The following MED27 variants were observed in gnomAD, a reference collection of about 807,000 sequenced individuals.
MED27 encodes mediator complex subunit 27, also known as mediator of RNA polymerase II transcription subunit 27.
A neutral mutation model predicts 38.2 loss-of-function variants in MED27; 30 were observed. The ratio of observed to expected loss-of-function variants is 0.79; its 90% CI spans 0.59 to 1.07. The LOEUF (loss-of-function observed/expected upper bound fraction) is 1.07. MED27 is among the 50% of genes least tolerant of loss of function. The pLI, the probability that MED27 is intolerant of heterozygous loss-of-function variation, is 0.00. For missense variants in MED27, 289 were observed against 397.5 expected (o/e 0.73, Z 2.32); for synonymous variants, 122 against 153.5 (o/e 0.79, Z 1.52).
At position 131,900,865 on chromosome 9, in the gene MED27, A is replaced by G. The variant is rs534646206; in HGVS notation, c.574-6873T>C. On this transcript the variant is annotated intron_variant, in intron 4 of 7. Transcript: ENST00000292035. ...AAAAGTCTGATATGTAGGCGCCCTT[A>G]AGGGATCTGTTGTAATTTAAATGAT... Among the ~76,000 whole-genome samples the G allele has an allele frequency of 2.6e-5, 4 of 151,798 alleles. No homozygotes were observed. The East Asian group carries it at 7.8e-4, about 30-fold the overall frequency.
chr9:132,044,329 C>T (rs1281873663), intron 2 of MED27, among the ~76,000 whole-genome samples: 1 of 152,208 alleles, frequency 6.6e-6, no homozygotes, highest in Non-Finnish European at 1.5e-5. Context: ...GTGTCAAGCA[C>T]CTTGCACAGT....
chr9:131,893,625 C>G (rs1342890685), intron 5 of MED27, among the ~76,000 whole-genome samples: 1 of 152,128 alleles, frequency 6.6e-6, no homozygotes, highest in African/African-American at 2.4e-5. Context: ...TTTAATGAGG[C>G]AACTGGGGTC....
At chr9:131,866,691 C>G (rs180905147) in intron 6 of MED27, among the ~76,000 whole-genome samples, 8 of 152,340 alleles carry the variant, frequency 5.3e-5, no homozygotes, top group Admixed American at 2.0e-4. Context: ...AGAGTGCCTA[C>G]CACAGGGGAT....
chr9:131,973,527 G>A (rs563744492), intron 3 of MED27, among the ~76,000 whole-genome samples: 119 of 141,158 alleles, frequency 8.4e-4, no homozygotes, highest in Non-Finnish European at 1.5e-3. Context: ...GCGCGATCTC[G>A]GCTCACTACA....
intron 4 of MED27, among the ~76,000 whole-genome samples, chr9:131,897,312 C>T (rs1348390512): frequency 2.0e-5 from 3 of 151,780 alleles, no homozygotes; most frequent in Non-Finnish European, 2.9e-5. Context: ...GCAAACAATA[C>T]AAATATTTTA....
intron 2 of MED27, among the ~76,000 whole-genome samples, chr9:132,031,050 CAAAG>C (rs1232435194): frequency 3.9e-5 from 6 of 152,348 alleles, no homozygotes; most frequent in Non-Finnish European, 7.3e-5. Flanking sequence ...GCAGAATTTC[CAAAG>C]ACTGAGGAAG....
intron 6 of MED27, among the ~76,000 whole-genome samples, chr9:131,875,393 C>T (rs575311306): frequency 2.0e-5 from 3 of 152,262 alleles, no homozygotes; most frequent in South Asian, 4.1e-4. Context: ...ACTTTACACA[C>T]GACAGCTGGG....
intron 3 of MED27, among the ~76,000 whole-genome samples, chr9:131,962,144 G>A (rs1831229326): frequency 6.6e-6 from 1 of 152,212 alleles, no homozygotes; most frequent in Non-Finnish European, 1.5e-5. Flanking sequence ...CATTTAAAAT[G>A]TGGCTACTGA....
intron 2 of MED27, among the ~76,000 whole-genome samples, chr9:132,017,286 A>G (rs757593469): frequency 2.2e-4 from 33 of 152,200 alleles, no homozygotes; most frequent in Non-Finnish European, 4.3e-4. Context: ...CACTCAGCCA[A>G]TGGTTCTAAA....
chr9:132,055,495 C>A (rs1266530202), intron 2 of MED27, among the ~76,000 whole-genome samples: 1 of 152,108 alleles, frequency 6.6e-6, no homozygotes, highest in Non-Finnish European at 1.5e-5. Context: ...AACAACCAGA[C>A]TAAATTAATA....
At chr9:131,969,081 T>C (rs1831418579) in intron 3 of MED27, among the ~76,000 whole-genome samples, 1 of 152,210 alleles carries the variant, frequency 6.6e-6, no homozygotes, top group Non-Finnish European at 1.5e-5. Context: ...TATGTAATTA[T>C]TTTATTATAT....
intron 4 of MED27, among the ~76,000 whole-genome samples, chr9:131,903,953 C>T (rs1482053399): frequency 2.0e-5 from 3 of 149,612 alleles, no homozygotes; most frequent in African/African-American, 7.4e-5. Context: ...GGCTGGAGTG[C>T]GGTGGCGTGA....
At chr9:132,075,859 G>C (rs78019742) in intron 2 of MED27, among the ~76,000 whole-genome samples, 1,786 of 152,322 alleles carry the variant, frequency 0.012, 14 homozygotes, top group Middle Eastern at 0.02. Flanking sequence ...ACAGACATCT[G>C]TGATTTCTCC....
intron 5 of MED27, among the ~76,000 whole-genome samples, chr9:131,886,122 A>C (rs1839136256): frequency 6.6e-6 from 1 of 152,234 alleles, no homozygotes; most frequent in East Asian, 1.9e-4. Context: ...TATTCTGCGG[A>C]ATACACTGAA....
intron 2 of MED27, among the ~76,000 whole-genome samples, chr9:132,035,957 C>T (rs1329149072): frequency 1.3e-5 from 2 of 151,984 alleles, no homozygotes; most frequent in Non-Finnish European, 2.9e-5. Flanking sequence ...TAGAGCAAGA[C>T]CCTGTCTCTA....
At chr9:132,072,639 G>A (rs947336169) in intron 2 of MED27, among the ~76,000 whole-genome samples, 32 of 152,006 alleles carry the variant, frequency 2.1e-4, no homozygotes, top group Non-Finnish European at 1.8e-4. Flanking sequence ...AACTCACTAC[G>A]CTAGCAAGTT....
rs578036873 is a variant in MED27 at position 131,917,425 on chromosome 9, G to A, written c.573+21956C>T. The stretch of plus-strand genomic sequence containing the variant: ...ACAGGAGCCAACAGGGTAGCAGACT[G>A]GCATCTCTGGAATGATGAGTCCAGT... On this transcript the variant is annotated intron_variant, in intron 4 of 7. Coordinates refer to ENST00000292035, the MANE Select transcript of MED27 (RefSeq NM_004269.4). This position sits in a 1 kb window ranked among gnomAD's most constrained non-coding sequence, Gnocchi z 4.6. Among the ~76,000 whole-genome samples, 3 of 152,148 alleles carry A rather than the reference G, an allele frequency of 2.0e-5. No homozygotes were observed. The highest frequency in any genetic ancestry group is 2.9e-5 in the Non-Finnish European group (2 of 68,032).
intron 2 of MED27, among the ~76,000 whole-genome samples, chr9:132,068,033 C>CCATAATAAAAAGTTTT (rs1460023807): frequency 2.6e-4 from 40 of 152,212 alleles, no homozygotes; most frequent in African/African-American, 9.6e-4. Context: ...TTGAAATTTT[C>CCATAATAAAAAGTTTT]CATAATAAAA....
intron 4 of MED27, among the ~76,000 whole-genome samples, chr9:131,902,425 G>GCTGAAACT (rs1430976071): frequency 6.6e-6 from 1 of 152,106 alleles, no homozygotes; most frequent in Non-Finnish European, 1.5e-5. Context: ...ACTCTGAAAG[G>GCTGAAACT]CTGAAACTCT....
Sources: gnomAD v4.1 joint callset for allele counts (sites outside exome capture counted in the v4.1 genomes callset) on GRCh38, gnomAD v4.1.1 for gene constraint, Gnocchi (gnomAD v3.1) non-coding constraint, MANE v1.5 for transcripts, NCBI Gene and HGNC (gene_info 2026-07-23, HGNC 2026-07-21) for gene names.